LRP1B: variants seen among roughly 807,000 people sequenced by gnomAD.
LRP1B encodes the protein LDL receptor related protein 1B.
A neutral mutation model predicts 556.6 loss-of-function variants in LRP1B; 217 were observed. That is an observed-to-expected ratio of 0.39 (90% confidence interval 0.35 to 0.44). The LOEUF (loss-of-function observed/expected upper bound fraction) is 0.44. LRP1B is among the 20% of genes least tolerant of loss of function. The pLI is 1.00. For missense variants in LRP1B, 5,053 were observed against 5,620.8 expected (o/e 0.90, Z 3.23); for synonymous variants, 2,047 against 1,865.8 (o/e 1.10, Z -2.50).
At chr2:140,554,765 T>C (rs1304747511) in intron 43 of LRP1B, among the ~76,000 whole-genome samples, 1 of 151,968 alleles carries the variant, frequency 6.6e-6, no homozygotes, top group African/African-American at 2.4e-5. Context: ...ACTGATAGAA[T>C]AGTAAATAAA....
At chr2:140,254,815 G>A (rs1681607205) in intron 86 of LRP1B, among the ~76,000 whole-genome samples, 3 of 152,104 alleles carry the variant, frequency 2.0e-5, no homozygotes, top group Admixed American at 2.0e-4. Flanking sequence ...GCCTCTGAAA[G>A]TGCTGGGATT....
chr2:141,560,527 T>C (rs1201326741), intron 2 of LRP1B, among the ~76,000 whole-genome samples: 1 of 151,232 alleles, frequency 6.6e-6, no homozygotes, highest in Non-Finnish European at 1.5e-5. Context: ...ACTTAGCTAG[T>C]TGGATCAGTG....
At chr2:140,468,770 A>T (rs2105339039) in intron 60 of LRP1B, among the ~76,000 whole-genome samples, 1 of 152,362 alleles carries the variant, frequency 6.6e-6, no homozygotes, top group African/African-American at 2.4e-5. Flanking sequence ...TATGCTCTTA[A>T]GAAAAGATTA....
At chr2:141,129,456 A>G (rs1229228984) in intron 7 of LRP1B, among the ~76,000 whole-genome samples, 1 of 152,014 alleles carries the variant, frequency 6.6e-6, no homozygotes, top group Non-Finnish European at 1.5e-5. Flanking sequence ...AACATTTACT[A>G]TGAAGACTAT....
chr2:140,315,970 G>C (rs1476597644), intron 82 of LRP1B, among the ~76,000 whole-genome samples: 3 of 152,114 alleles, frequency 2.0e-5, no homozygotes, highest in Non-Finnish European at 4.4e-5. Flanking sequence ...TGATTCCGTA[G>C]AGTCTACCTA....
intron 1 of LRP1B, among the ~76,000 whole-genome samples, chr2:141,965,512 C>T (rs1284844606): frequency 3.4e-4 from 30 of 89,538 alleles, no homozygotes; most frequent in Admixed American, 5.2e-4. Flanking sequence ...AACCAAACAC[C>T]GCATATTCTC....
intron 1 of LRP1B, among the ~76,000 whole-genome samples, chr2:141,966,860 A>G (rs938755398): frequency 1.3e-5 from 2 of 151,890 alleles, no homozygotes; most frequent in Non-Finnish European, 2.9e-5. Flanking sequence ...ATGCCCCTCT[A>G]TGAATCTCTA....
At chr2:141,849,853 A>T (rs1697783108) in intron 1 of LRP1B, among the ~76,000 whole-genome samples, 1 of 151,708 alleles carries the variant, frequency 6.6e-6, no homozygotes, top group Admixed American at 6.6e-5. Flanking sequence ...TATACCATTT[A>T]TGAGATTTCT....
At chr2:142,106,013 A>G (rs1277017699) in intron 1 of LRP1B, among the ~76,000 whole-genome samples, 1 of 152,162 alleles carries the variant, frequency 6.6e-6, no homozygotes, top group Non-Finnish European at 1.5e-5. Context: ...GAACTGCTGG[A>G]TTACTGGTAC....
chr2:140,325,716 C>T (rs2105063692), intron 80 of LRP1B, 46 bp downstream of exon 80: 1 of 1,259,766 alleles, frequency 7.9e-7, no homozygotes, highest in South Asian at 1.3e-5. Flanking sequence ...TAGTATTTAA[C>T]ACTCTCAGTA....
At chr2:140,325,715 A>C (rs765580610) in intron 80 of LRP1B, 47 bp downstream of exon 80, 1 of 1,259,724 alleles carries the variant, frequency 7.9e-7, no homozygotes, top group Non-Finnish European at 1.1e-6. Context: ...TTAGTATTTA[A>C]CACTCTCAGT....
At chr2:140,866,962 G>C (rs902204547) in intron 27 of LRP1B, among the ~76,000 whole-genome samples, 24 of 152,118 alleles carry the variant, frequency 1.6e-4, no homozygotes, top group African/African-American at 5.3e-4. Context: ...GCTAATAAAG[G>C]GGTCATTGTT....
At chr2:140,458,734 A>C (rs542245648) in intron 60 of LRP1B, among the ~76,000 whole-genome samples, 4 of 152,190 alleles carry the variant, frequency 2.6e-5, no homozygotes, top group African/African-American at 9.6e-5. Context: ...AAAATTTCAA[A>C]TACAATTTAC....
At chr2:141,420,566 T>A in intron 3 of LRP1B, among the ~76,000 whole-genome samples, 1 of 152,238 alleles carries the variant, frequency 6.6e-6, no homozygotes, top group East Asian at 1.9e-4. Context: ...TCTTCCTTGT[T>A]CTTGTCAGCC....
At chr2:140,742,651 T>C (rs767893425) in intron 35 of LRP1B, among the ~76,000 whole-genome samples, 9 of 152,046 alleles carry the variant, frequency 5.9e-5, no homozygotes, top group Non-Finnish European at 1.3e-4. Context: ...TTACCCAGGC[T>C]GATCTCAAAC....
rs1686596667 is a variant in LRP1B at position 140,700,550 on chromosome 2, T to C, written c.6499A>G (p.Thr2167Ala). The change falls in exon 41 of 91, where the codon ACT (threonine) becomes GCT (alanine). Residue 2167 changes from threonine to alanine, a missense_variant. Physicochemically the swap from Thr to Ala is moderately conservative, Grantham distance 58 (BLOSUM62 0). Coordinates refer to ENST00000389484, the MANE Select transcript of LRP1B (RefSeq NM_018557.3). ...LCLYRGNSRR[T>A]CACAHGYLAE... is the part of the protein sequence containing the mutation. The stretch of plus-strand genomic sequence containing the variant: ...AAATATCCATGGGCACAAGCACAAG[T>C]TCTCCGGGAATTTCCTCGATAAAGA... The C allele has an allele frequency of 6.2e-7, 1 of 1,613,590 alleles. No individual in the cohort carries two copies. The highest frequency in any genetic ancestry group is 2.2e-5 in the East Asian group (1 of 44,850).
intron 7 of LRP1B, among the ~76,000 whole-genome samples, chr2:141,128,561 T>A (rs1004132690): frequency 6.6e-6 from 1 of 152,192 alleles, no homozygotes; most frequent in Non-Finnish European, 1.5e-5. Context: ...TCTTTGAGAA[T>A]AATAAAAAAC....
chr2:140,490,407 G>A (rs2105370451), intron 57 of LRP1B, among the ~76,000 whole-genome samples: 1 of 152,164 alleles, frequency 6.6e-6, no homozygotes, highest in African/African-American at 2.4e-5. Context: ...TCCACCAGTT[G>A]TTATAATTTT....
chr2:140,457,776 C>G (rs757399913), intron 60 of LRP1B, 125 bp from the exon 61 acceptor site: 2 of 740,252 alleles, frequency 2.7e-6, no homozygotes, highest in Non-Finnish European at 4.4e-6. Flanking sequence ...CTGTGACAAC[C>G]TGTCAGGCCA....
Sources: allele counts gnomAD v4.1 joint callset (sites outside exome capture counted in the v4.1 genomes callset), GRCh38; gene constraint gnomAD v4.1.1; transcripts MANE v1.5; gene names NCBI Gene and HGNC (gene_info 2026-07-23, HGNC 2026-07-21).